RAB31: variants seen among roughly 807,000 people sequenced by gnomAD.
RAB31 encodes the protein RAB31, member RAS oncogene family.
A neutral mutation model predicts 25.6 loss-of-function variants in RAB31; 21 were observed. That is an observed-to-expected ratio of 0.82 (90% CI 0.58 to 1.18). RAB31 has a LOEUF of 1.18. Ranked by LOEUF, RAB31 falls within the 50% of genes most tolerant of loss-of-function variation. The pLI is 0.00. For missense variants in RAB31, 196 were observed against 250.1 expected, an observed-to-expected ratio of 0.78 and a Z score of 1.46; for synonymous variants, 87 against 84.0, an observed-to-expected ratio of 1.04 and a Z score of -0.20.
rs1325221344 is a variant in RAB31 at position 9,859,838 on chromosome 18, A to C, written c.*513A>C. The C allele has an allele frequency of 6.6e-6, 1 of 152,398 alleles. No homozygotes were observed. The highest frequency in any genetic ancestry group is 1.5e-5 in the Non-Finnish European group (1 of 68,200). 9.4% of individuals were successfully genotyped at this position (152,398 alleles called of 1,614,324 possible). The stretch of plus-strand genomic sequence containing the variant: ...CTTTATTTATTACTTTTTGGAGGAA[A>C]TCAGAGAAGTGTCAATGGACCGTCA... On this transcript the variant is annotated 3_prime_UTR_variant, in exon 7 of 7. Transcript: ENST00000578921.
At chr18:9,806,509 G>A (rs565294556) in intron 3 of RAB31, among the ~76,000 whole-genome samples, 1 of 151,668 alleles carries the variant, frequency 6.6e-6, no homozygotes, top group South Asian at 2.1e-4. Context: ...CTGCCTCTGT[G>A]TTTAGGGAGC....
At chr18:9,714,559 T>G (rs1290705057) in intron 1 of RAB31, among the ~76,000 whole-genome samples, 3 of 152,248 alleles carry the variant, frequency 2.0e-5, no homozygotes, top group Non-Finnish European at 2.9e-5. Flanking sequence ...GTTCACTAAT[T>G]GGAAAAGACC....
At chr18:9,844,945 G>A (rs2068753300) in intron 5 of RAB31, 1 of 152,128 alleles carries the variant, frequency 6.6e-6, no homozygotes, top group Non-Finnish European at 1.5e-5. Flanking sequence ...CTCACTGCAA[G>A]CTCTGCTTCC....
At chr18:9,777,804 G>C (rs2068380665) in intron 2 of RAB31, among the ~76,000 whole-genome samples, 2 of 139,516 alleles carry the variant, frequency 1.4e-5, no homozygotes, top group Non-Finnish European at 3.0e-5. Context: ...GCCCATGCTA[G>C]AGTGCAATGG....
At chr18:9,858,388 G>A (rs1282907019) in intron 6 of RAB31, among the ~76,000 whole-genome samples, 1 of 152,132 alleles carries the variant, frequency 6.6e-6, no homozygotes, top group Admixed American at 6.5e-5. Context: ...ACTTTATTGA[G>A]ATAAAATTCA....
At chr18:9,775,025 A>G (rs1392339663) in intron 1 of RAB31, 1 of 604,422 alleles carries the variant, frequency 1.7e-6, no homozygotes, top group East Asian at 3.8e-5. Context: ...TTTTGGTTAA[A>G]TATTGTATAC....
chr18:9,812,554 T>C (rs2068578406), intron 3 of RAB31, among the ~76,000 whole-genome samples: 1 of 152,214 alleles, frequency 6.6e-6, no homozygotes, highest in Non-Finnish European at 1.5e-5. Flanking sequence ...GTTCTTCCGA[T>C]TCTAATTGAA....
intron 2 of RAB31, among the ~76,000 whole-genome samples, chr18:9,783,852 G>A (rs2068418019): frequency 6.6e-6 from 1 of 152,070 alleles, no homozygotes; most frequent in Non-Finnish European, 1.5e-5. Flanking sequence ...TAAGCATAAT[G>A]AATATAAGAA....
intron 6 of RAB31, among the ~76,000 whole-genome samples, chr18:9,848,813 T>A (rs2068774617): frequency 6.6e-6 from 1 of 152,234 alleles, no homozygotes; most frequent in South Asian, 2.1e-4. Context: ...AAGAGATGAA[T>A]GTTTCTCTTT....
intron 5 of RAB31, among the ~76,000 whole-genome samples, chr18:9,827,198 C>T (rs973208689): frequency 6.6e-6 from 1 of 152,040 alleles, no homozygotes; most frequent in African/African-American, 2.4e-5. Context: ...GCTTTTCAAG[C>T]TCAGGGGTCT....
At chr18:9,772,430 G>T (rs1300552171) in intron 1 of RAB31, among the ~76,000 whole-genome samples, 1 of 152,244 alleles carries the variant, frequency 6.6e-6, no homozygotes, top group Non-Finnish European at 1.5e-5. Flanking sequence ...AGGTGGGGCA[G>T]CCCCATCACC....
At chr18:9,828,215 G>C (rs1336115541) in intron 5 of RAB31, among the ~76,000 whole-genome samples, 1 of 152,188 alleles carries the variant, frequency 6.6e-6, no homozygotes, top group Non-Finnish European at 1.5e-5. Context: ...ATGGCGGGAT[G>C]GTGTGGGTCT....
chr18:9,782,089 A>G (rs909910310), intron 2 of RAB31, among the ~76,000 whole-genome samples: 1 of 152,200 alleles, frequency 6.6e-6, no homozygotes, highest in Non-Finnish European at 1.5e-5. Flanking sequence ...GCCACTCCGC[A>G]TGGGTGGCCA....
chr18:9,750,506 A>G (rs1302565275), intron 1 of RAB31, among the ~76,000 whole-genome samples: 1 of 152,106 alleles, frequency 6.6e-6, no homozygotes, highest in African/African-American at 2.4e-5. Flanking sequence ...TCTGGGGGAG[A>G]GGTGCCGGCA....
At chr18:9,821,784 A>G (rs777128887) in intron 5 of RAB31, among the ~76,000 whole-genome samples, 5 of 152,188 alleles carry the variant, frequency 3.3e-5, no homozygotes, top group Non-Finnish European at 7.4e-5. Flanking sequence ...GCTGAAAAGT[A>G]CAAAATGTTG....
chr18:9,775,476 T>C, intron 2 of RAB31, 119 bp downstream of exon 2: 1 of 1,515,614 alleles, frequency 6.6e-7, no homozygotes, highest in Non-Finnish European at 8.9e-7. Context: ...CCAGTGAGAA[T>C]CAATCCCAGC....
At chr18:9,823,338 C>G (rs1463200985) in intron 5 of RAB31, among the ~76,000 whole-genome samples, 3 of 152,104 alleles carry the variant, frequency 2.0e-5, no homozygotes, top group African/African-American at 4.8e-5. Flanking sequence ...GGTATCTTCT[C>G]TGTGGTGGTG....
At chr18:9,854,846 A>G (rs1227914081) in intron 6 of RAB31, among the ~76,000 whole-genome samples, 2 of 152,230 alleles carry the variant, frequency 1.3e-5, no homozygotes, top group Non-Finnish European at 2.9e-5. Flanking sequence ...AATACTGCCA[A>G]GTCCTAGCAA....
chr18:9,811,651 G>A lies in RAB31; in HGVS notation c.202-2369G>A, dbSNP rs75231498. On this transcript the variant is annotated intron_variant, in intron 3 of 6. Coordinates refer to ENST00000578921, the MANE Select transcript of RAB31 (RefSeq NM_006868.4). ...TGCTTGTAAGGAAAATGTAAAAATC[G>A]CTGGAAATCCCACCTGTTAAGATTT... Among the ~76,000 whole-genome samples, 861 of 152,026 alleles carry A rather than the reference G, an allele frequency of 5.7e-3. 8 individuals carry two copies. The highest frequency in any genetic ancestry group is 0.019 in the African/African-American group (800 of 41,430).
Sources: allele counts gnomAD v4.1 joint callset (sites outside exome capture counted in the v4.1 genomes callset), GRCh38; gene constraint gnomAD v4.1.1; transcripts MANE v1.5; gene names NCBI Gene and HGNC (gene_info 2026-07-23, HGNC 2026-07-21).